Variants in PAX2 observed in about 807,000 individuals in gnomAD.
The protein encoded by PAX2 is paired box protein Pax-2.
In PAX2, 9 loss-of-function variants were observed where a neutral mutation model predicts 41.7. The ratio of observed to expected loss-of-function variants is 0.22; its 90% CI spans 0.13 to 0.38. The LOEUF is 0.38. PAX2 is among the 10% of genes least tolerant of loss of function. PAX2 has a pLI of 1.00. For synonymous variants in PAX2, 221 were observed against 212.7 expected (o/e 1.04, Z -0.34); for missense variants, 418 against 531.6 (o/e 0.79, Z 2.10).
At position 100,783,904 on chromosome 10, in the gene PAX2, C is replaced by T. The variant is rs145297103; in HGVS notation, c.616+2539C>T. Among the ~76,000 whole-genome samples the T allele has an allele frequency of 3.5e-4, 53 of 152,148 alleles. 1 individual carries two copies. The highest frequency in any genetic ancestry group is 8.5e-4 in the Admixed American group (13 of 15,292). ...AGAGGCCTCACTCTTTTTTGAGAGA[C>T]GGTTCTCCTCCTCTTACCAACTCCT... On this transcript the variant is annotated intron_variant, in intron 5 of 9. Transcript: ENST00000355243.
At chr10:100,813,794 C>A (rs1474395928) in intron 7 of PAX2, among the ~76,000 whole-genome samples, 1 of 152,106 alleles carries the variant, frequency 6.6e-6, no homozygotes, top group Non-Finnish European at 1.5e-5. Flanking sequence ...CATTCTGAAA[C>A]CTCACCAGGA....
chr10:100,774,328 C>G (rs1419465370), intron 3 of PAX2, among the ~76,000 whole-genome samples: 1 of 152,168 alleles, frequency 6.6e-6, no homozygotes, highest in Admixed American at 6.5e-5. Flanking sequence ...CCCTGTCATC[C>G]TTTGCTCTGA....
At chr10:100,747,360 G>A (rs1411089067) in intron 1 of PAX2, 1 of 152,074 alleles carries the variant, frequency 6.6e-6, no homozygotes. Flanking sequence ...TTGACATGAT[G>A]TTACAGAAGA....
At chr10:100,768,739 G>T (rs1015934497) in intron 3 of PAX2, among the ~76,000 whole-genome samples, 1 of 152,132 alleles carries the variant, frequency 6.6e-6, no homozygotes, top group Non-Finnish European at 1.5e-5. Flanking sequence ...TGGATCCAAT[G>T]TCGGGCTCTT....
intron 3 of PAX2, among the ~76,000 whole-genome samples, chr10:100,764,237 G>A (rs568897144): frequency 4.1e-5 from 6 of 147,288 alleles, no homozygotes; most frequent in African/African-American, 7.5e-5. Flanking sequence ...TCCGCCTCCC[G>A]GGTTCATGCC....
chr10:100,779,729 A>G, intron 4 of PAX2, 146 bp downstream of exon 4: 3 of 711,130 alleles, frequency 4.2e-6, no homozygotes, highest in Non-Finnish European at 7.7e-6. Flanking sequence ...TCCTGTCCAC[A>G]TAGGGTCTTC....
In PAX2 at chr10:100,806,565, C is replaced by A. The variant is rs530997720; in HGVS notation, c.752C>A (p.Pro251His). ...CGGGTCTTTGAGCGTCCTTCCTACCCTGACGTCTTCCAGGCATCAGAGCAC... is the reference window on the plus strand; with the variant it reads ...CGGGTCTTTGAGCGTCCTTCCTACCATGACGTCTTCCAGGCATCAGAGCAC... ...LDRVFERPSY[P>H]DVFQASEHIK... Residue 251 changes from proline to histidine, a missense_variant, in exon 6 of 10, where the codon CCT becomes CAT. Physicochemically the swap from Pro to His is moderately conservative, Grantham distance 77 (BLOSUM62 -2). Transcript: ENST00000355243. 1.2e-6 allele frequency: 2 copies of A among 1,614,198 alleles called. No homozygotes were observed. Among genetic ancestry groups the A allele is most frequent in the South Asian group, 2.2e-5 (2 of 91,090 alleles).
At position 100,746,143 on chromosome 10, in the gene PAX2, G is replaced by A. The variant is rs1418129114; in HGVS notation, c.-118G>A. 6.3e-7 allele frequency: 1 copy of A among 1,587,560 alleles called. No homozygotes were observed. Among genetic ancestry groups the A allele is most frequent in the East Asian group, 2.2e-5 (1 of 44,600 alleles). On this transcript the variant is annotated 5_prime_UTR_variant, in exon 1 of 10. Coordinates refer to ENST00000355243, the MANE Select transcript of PAX2 (RefSeq NM_000278.5). ...GCCCCCGCGCGCCCCGCAGCAGCCG[G>A]GCGTTCACTCATCCTCCCTCCCCCA...
chr10:100,779,444 G>A, intron 3 of PAX2, 54 bp from the exon 4 acceptor site: 1 of 1,442,350 alleles, frequency 6.9e-7, no homozygotes, highest in Non-Finnish European at 9.6e-7. Context: ...GGCTGGAATT[G>A]GCCGGGATAG....
intron 3 of PAX2, among the ~76,000 whole-genome samples, chr10:100,756,544 T>C (rs1163252871): frequency 6.6e-6 from 1 of 152,236 alleles, no homozygotes; most frequent in African/African-American, 2.4e-5. Flanking sequence ...GTCTTTGTGT[T>C]AGATGACTTT....
At chr10:100,762,882 A>G (rs1025131692) in intron 3 of PAX2, among the ~76,000 whole-genome samples, 1 of 152,218 alleles carries the variant, frequency 6.6e-6, no homozygotes, top group African/African-American at 2.4e-5. Flanking sequence ...GATTGGTCGC[A>G]CCATGGGCAA....
intron 3 of PAX2, among the ~76,000 whole-genome samples, chr10:100,777,275 A>G (rs1421723685): frequency 6.8e-6 from 1 of 147,852 alleles, no homozygotes; most frequent in African/African-American, 2.5e-5. Context: ...CTAATTTTGT[A>G]TTTTTAGTAG....
intron 5 of PAX2, among the ~76,000 whole-genome samples, chr10:100,781,682 T>C (rs917554568): frequency 4.6e-5 from 7 of 152,236 alleles, no homozygotes; most frequent in Non-Finnish European, 1.0e-4. Flanking sequence ...GGGGAACAGC[T>C]GGTCTCTGGC....
intron 3 of PAX2, among the ~76,000 whole-genome samples, chr10:100,752,761 C>A (rs370874822): frequency 3.3e-5 from 5 of 152,082 alleles, no homozygotes; most frequent in African/African-American, 1.2e-4. Flanking sequence ...CGTCCAACAC[C>A]CCCTGCCCCT....
At chr10:100,787,724 ACCCCCTCATGTGAT>A (rs1485760801) in intron 5 of PAX2, among the ~76,000 whole-genome samples, 8 of 151,586 alleles carry the variant, frequency 5.3e-5, no homozygotes, top group Non-Finnish European at 1.0e-4. Context: ...TTCCAAAGGC[ACCCCCTCATGTGAT>A]CGGGCACTGG....
At chr10:100,774,512 C>T (rs1691629299) in intron 3 of PAX2, among the ~76,000 whole-genome samples, 1 of 152,050 alleles carries the variant, frequency 6.6e-6, no homozygotes, top group African/African-American at 2.4e-5. Flanking sequence ...CAATGCTCTT[C>T]CCAGGGTCTC....
At chr10:100,737,105 C>G in intron 1 of PAX2, among the ~76,000 whole-genome samples, 1 of 152,202 alleles carries the variant, frequency 6.6e-6, no homozygotes, top group South Asian at 2.1e-4. Context: ...TTTCCCTTTC[C>G]CATTTGCTCA....
Position 100,824,655 on chromosome 10 carries a change from C to T in PAX2, c.927C>T (p.Asp309=). 1.9e-6 allele frequency: 3 copies of T among 1,607,650 alleles called. No individual in the cohort carries two copies. Among genetic ancestry groups the T allele is most frequent in the African/African-American group, 1.3e-5 (1 of 74,900 alleles). The part of the protein sequence containing the change: ...TQTYPVVTGR[D]MASTTLPGYP... ...CCCTTTGTGTTTTTCCAGGTCGTGACATGGCGAGCACCACTCTGCCTGGTT... is the reference window on the plus strand; with the variant it reads ...CCCTTTGTGTTTTTCCAGGTCGTGATATGGCGAGCACCACTCTGCCTGGTT... Residue 309 remains aspartate (D), a synonymous_variant, in exon 8 of 10, where the codon GAC becomes GAT. Transcript: ENST00000355243. This position sits in a 1 kb window ranked among gnomAD's most constrained non-coding sequence, Gnocchi z 6.6.
upstream of PAX2, among the ~76,000 whole-genome samples, chr10:100,741,409 CAAAAAAAAAA>C (rs71013465): frequency 1.8e-5 from 2 of 111,310 alleles, no homozygotes; most frequent in Non-Finnish European, 3.6e-5. Flanking sequence ...GAAGCTCTTC[CAAAAAAAAAA>C]AAAAAAAAAA....
Sources: allele counts gnomAD v4.1 joint callset (sites outside exome capture counted in the v4.1 genomes callset), GRCh38; gene constraint gnomAD v4.1.1; non-coding constraint Gnocchi (gnomAD v3.1); transcripts MANE v1.5; gene names NCBI Gene and HGNC (gene_info 2026-07-23, HGNC 2026-07-21).